THNSL2: variants seen among roughly 807,000 people sequenced by gnomAD.
THNSL2 encodes the protein threonine synthase like 2.
Under a neutral mutation model 40.0 loss-of-function variants are expected in THNSL2, and 34 were observed. That is an observed-to-expected ratio of 0.85 (90% confidence interval 0.65 to 1.13). THNSL2 has a LOEUF of 1.13. Ranked by LOEUF, THNSL2 falls within the 50% of genes most tolerant of loss-of-function variation. The pLI is 0.00. For synonymous variants in THNSL2, 241 were observed against 247.5 expected (o/e 0.97, Z 0.25); for missense variants, 537 against 608.8 (o/e 0.88, Z 1.24).
chr2:88,172,899 C>A (rs192760805), intron 1 of THNSL2: 9 of 344,806 alleles, frequency 2.6e-5, no homozygotes, highest in African/African-American at 1.9e-4. Context: ...CCGATACCCT[C>A]TCCCTGAAGA....
intron 1 of THNSL2, among the ~76,000 whole-genome samples, chr2:88,170,894 C>G (rs930613966): frequency 6.6e-6 from 1 of 152,100 alleles, no homozygotes; most frequent in East Asian, 1.9e-4. Flanking sequence ...CTCACAAAAC[C>G]CCTCCACCTC....
intron 5 of THNSL2, among the ~76,000 whole-genome samples, chr2:88,180,276 T>A (rs947801652): frequency 6.6e-6 from 1 of 152,250 alleles, no homozygotes; most frequent in Admixed American, 6.5e-5. Flanking sequence ...TGGACCTTCC[T>A]GAGCCTCCAT....
intron 5 of THNSL2, among the ~76,000 whole-genome samples, chr2:88,181,110 TC>T (rs1326162011): frequency 0.088 from 297 of 3,356 alleles, 23 homozygotes; most frequent in African/African-American, 0.2. Flanking sequence ...CTCCTCTCTC[TC>T]CTCTCTCTCT....
intron 3 of THNSL2, 144 bp downstream of exon 3, chr2:88,174,977 G>C: frequency 9.6e-7 from 1 of 1,042,790 alleles, no homozygotes; most frequent in Non-Finnish European, 1.4e-6. Context: ...TGGTGCCATA[G>C]ACCCCTTTGC....
Position 88,175,279 on chromosome 2 carries a change from T to C in THNSL2, c.449T>C (p.Ile150Thr). 6.2e-7 allele frequency: 1 copy of C among 1,614,156 alleles called. No individual in the cohort carries two copies. Reference protein sequence around the residue: ...GTSGDTGSAAIESVQGAKNMD... With the variant: ...GTSGDTGSAATESVQGAKNMD... Reference sequence around the variant, plus strand: ...TCTGGGGACACAGGAAGTGCTGCCATTGAGAGTGTTCAAGGGGCAAAGAAC... The same window carrying C: ...TCTGGGGACACAGGAAGTGCTGCCACTGAGAGTGTTCAAGGGGCAAAGAAC... The change falls in exon 4 of 9, where the codon ATT becomes ACT. Residue 150 changes from isoleucine (I) to threonine (T), a missense_variant. Ile to Thr is a moderately conservative substitution (Grantham distance 89, BLOSUM62 -1). Coordinates refer to ENST00000674334, the MANE Select transcript of THNSL2 (RefSeq NM_018271.5).
intron 8 of THNSL2, 89 bp downstream of exon 8, chr2:88,185,568 C>T (rs369418272): frequency 2.9e-5 from 45 of 1,551,684 alleles, no homozygotes; most frequent in African/African-American, 2.7e-4. Context: ...GACAGGACTA[C>T]GAAAAAATGG....
In THNSL2 at chr2:88,178,979, G is replaced by C. The variant is rs774517404; in HGVS notation, c.768G>C (p.Val256=). Residue 256 remains valine, a synonymous_variant, in exon 5 of 9, where the codon GTG becomes GTC. Transcript: ENST00000674334. The stretch of plus-strand genomic sequence containing the variant: ...CACATCCCCTACCCCTGGTGGAGGT[G>C]GTTGTGCCAACAGGGGCTGCCGGTA... ...LDTHPLPLVE[V]VVPTGAAGNL... is the part of the protein sequence containing the mutation. The C allele has an allele frequency of 3.7e-6, 6 of 1,614,212 alleles. No individual in the cohort carries two copies. In the East Asian group the frequency reaches 1.3e-4, roughly 36 times the overall value.
chr2:88,182,645 T>C, intron 5 of THNSL2, 54 bp from the exon 6 acceptor site: 1 of 1,467,982 alleles, frequency 6.8e-7, no homozygotes, highest in Non-Finnish European at 9.1e-7. Flanking sequence ...TTTACTTTTT[T>C]CTTTTTGCTT....
rs537739649 is a variant in THNSL2 at position 88,173,253 on chromosome 2, C to T, written c.103C>T (p.Leu35Phe). The change falls in exon 2 of 9, where the codon CTC (leucine) becomes TTC (phenylalanine). Residue 35 changes from leucine (L) to phenylalanine (F), a missense_variant. By Grantham distance (22) the Leu-to-Phe change is conservative. Transcript: ENST00000674334. ...CGGGGGCCTCTTTATGCCTGAAGAGCTCCCACAGTTGGACAGAGGGACCCT... is the reference window on the plus strand; with the variant it reads ...CGGGGGCCTCTTTATGCCTGAAGAGTTCCCACAGTTGGACAGAGGGACCCT... ...PDGGLFMPEE[L>F]PQLDRGTLCQ... 448 of 1,612,242 alleles carry T rather than the reference C, an allele frequency of 2.8e-4. 3 individuals carry two copies. In the South Asian group the frequency reaches 4.7e-3, roughly 17 times the overall value.
chr2:88,183,124 G>A (rs1415795411), intron 7 of THNSL2, 51 bp downstream of exon 7: 2 of 1,586,146 alleles, frequency 1.3e-6, no homozygotes, highest in African/African-American at 2.7e-5. Context: ...CAGCCACATA[G>A]CAGACTTGGG....
chr2:88,177,118 T>C (rs906877958), intron 4 of THNSL2: 2 of 152,228 alleles, frequency 1.3e-5, no homozygotes, highest in Admixed American at 1.3e-4. Flanking sequence ...ATCTGATGAA[T>C]GCAATAAATC....
intron 5 of THNSL2, among the ~76,000 whole-genome samples, chr2:88,180,052 G>T (rs1677364796): frequency 6.6e-6 from 1 of 152,184 alleles, no homozygotes. Context: ...AAAGAGGGAT[G>T]GGCTTCTTTG....
At chr2:88,180,472 A>G (rs1414076006) in intron 5 of THNSL2, among the ~76,000 whole-genome samples, 1 of 152,122 alleles carries the variant, frequency 6.6e-6, no homozygotes, top group Non-Finnish European at 1.5e-5. Flanking sequence ...CTCAGGAGGC[A>G]GAGGCAGGAG....
chr2:88,174,505 A>C, intron 2 of THNSL2, 134 bp from the exon 3 acceptor site: 1 of 859,808 alleles, frequency 1.2e-6, no homozygotes, highest in Non-Finnish European at 1.8e-6. Flanking sequence ...TTGTATTCAA[A>C]AATGGTATCA....
In THNSL2 at chr2:88,175,265, A is replaced by G. The variant is rs780418980; in HGVS notation, c.435A>G (p.Thr145=). Residue 145 remains threonine (T), a synonymous_variant, in exon 4 of 9, where the codon ACA becomes ACG. Coordinates refer to ENST00000674334, the MANE Select transcript of THNSL2 (RefSeq NM_018271.5). ...CCCATCCAGGAACATCTGGGGACACAGGAAGTGCTGCCATTGAGAGTGTTC... is the reference window on the plus strand; with the variant it reads ...CCCATCCAGGAACATCTGGGGACACGGGAAGTGCTGCCATTGAGAGTGTTC... The part of the protein sequence containing the change: ...VTVVVGTSGD[T]GSAAIESVQG... The G allele has an allele frequency of 1.9e-6, 3 of 1,614,152 alleles. No individual in the cohort carries two copies. The Admixed American group carries it at 5.0e-5, about 27-fold the overall frequency.
At chr2:88,184,475 A>G (rs1558900003) in intron 7 of THNSL2, among the ~76,000 whole-genome samples, 1 of 152,122 alleles carries the variant, frequency 6.6e-6, no homozygotes, top group South Asian at 2.1e-4. Context: ...ATGAAAATCT[A>G]TGATACCAGC....
At position 88,185,490 on chromosome 2, in the gene THNSL2, T is replaced by C; in HGVS notation, c.1229+11T>C. 6.3e-7 allele frequency: 1 copy of C among 1,597,496 alleles called. No homozygotes were observed. On this transcript the variant is annotated intron_variant, in intron 8 of 8. Coordinates refer to ENST00000674334, the MANE Select transcript of THNSL2 (RefSeq NM_018271.5). The stretch of plus-strand genomic sequence containing the variant: ...CAGGCAGCAGCCCAGGTACAGGCAA[T>C]GGGGGCCTGGGCCACTGAGGGACCA...
At chr2:88,181,660 GT>G (rs1473434945) in intron 5 of THNSL2, among the ~76,000 whole-genome samples, 1 of 151,322 alleles carries the variant, frequency 6.6e-6, no homozygotes, top group Non-Finnish European at 1.5e-5. Context: ...TGATTCAGTG[GT>G]TTTTAGTATA....
chr2:88,175,514 T>C, intron 4 of THNSL2, 113 bp downstream of exon 4: 1 of 1,373,468 alleles, frequency 7.3e-7, no homozygotes, highest in Non-Finnish European at 1.0e-6. Context: ...TGTCCTCCTT[T>C]CATCATCATA....
Sources: gnomAD v4.1 joint callset for allele counts (sites outside exome capture counted in the v4.1 genomes callset) on GRCh38, gnomAD v4.1.1 for gene constraint, MANE v1.5 for transcripts, NCBI Gene and HGNC (gene_info 2026-07-23, HGNC 2026-07-21) for gene names.